Variants in POP1 observed in about 807,000 individuals in gnomAD.
The protein encoded by POP1 is POP1 ribonuclease P/MRP subunit, also known as ribonucleases P/MRP protein subunit POP1.
POP1 carries 75 observed loss-of-function variants against 102.2 expected under a neutral mutation model. The observed-to-expected ratio is 0.73, with a 90% CI of 0.61 to 0.89. POP1 has a LOEUF of 0.89. Among genes scored for constraint, POP1 ranks in the 40% least tolerant of loss-of-function variants. The pLI is 0.00. For missense variants in POP1, 1,116 were observed against 1,267.4 expected (o/e 0.88, Z 1.81); for synonymous variants, 436 against 464.1 (o/e 0.94, Z 0.78).
intron 11 of POP1, among the ~76,000 whole-genome samples, chr8:98,141,089 G>A (rs373302272): frequency 3.3e-5 from 5 of 151,942 alleles, no homozygotes; most frequent in African/African-American, 9.7e-5. Flanking sequence ...AGTAAAACAC[G>A]TAGCCTGATA....
At position 98,156,140 on chromosome 8, in the gene POP1, G is replaced by A; in HGVS notation, c.2148G>A (p.Glu716=). The change falls in exon 15 of 16, where the codon GAG becomes GAA. Residue 716 remains glutamate, a synonymous_variant. Coordinates refer to ENST00000401707, the MANE Select transcript of POP1 (RefSeq NM_001145860.2). ...GGGAGCAGTTAACTCAAGACTGGGA[G>A]TCAAGAGTCCAGGCTTACGAAGAAC... ...CPWEQLTQDW[E]SRVQAYEEPS... 3.1e-6 allele frequency: 5 copies of A among 1,614,116 alleles called. No homozygotes were observed. Among genetic ancestry groups the A allele is most frequent in the Non-Finnish European group, 4.2e-6 (5 of 1,180,034 alleles).
chr8:98,147,548 A>G (rs1309860768), intron 12 of POP1, among the ~76,000 whole-genome samples: 5 of 152,180 alleles, frequency 3.3e-5, no homozygotes, highest in Non-Finnish European at 5.9e-5. Flanking sequence ...TGGCTGTGAC[A>G]TGATGAGATT....
intron 5 of POP1, 44 bp downstream of exon 5, chr8:98,130,270 C>T: frequency 6.2e-7 from 1 of 1,612,984 alleles, no homozygotes; most frequent in African/African-American, 1.3e-5. Flanking sequence ...TTGTTTGATC[C>T]TTTTCCATAG....
intron 1 of POP1, among the ~76,000 whole-genome samples, chr8:98,122,378 G>C (rs1563769330): frequency 2.0e-5 from 3 of 152,172 alleles, no homozygotes; most frequent in Admixed American, 1.3e-4. Context: ...GTAAAGACTG[G>C]TATTAAAATA....
At position 98,157,728 on chromosome 8, in the gene POP1, T is replaced by C. The variant is rs12541183; in HGVS notation, c.2532T>C (p.Ala844=). The change falls in exon 16 of 16, where the codon GCT becomes GCC. Residue 844 remains alanine (A), a synonymous_variant. Coordinates refer to ENST00000401707, the MANE Select transcript of POP1 (RefSeq NM_001145860.2). ...GCCAGCAAGGATTGACCAGAGAGGC[T>C]TGCCTGTCCATCTTGGGCCACTTCC... The part of the protein sequence containing the change: ...GRGQQGLTRE[A]CLSILGHFPR... 8.2e-3 allele frequency: 13,209 copies of C among 1,614,182 alleles called. 436 individuals are homozygous for C. In the African/African-American group the frequency reaches 0.084, roughly 10 times the overall value.
At chr8:98,135,183 C>T (rs971835642) in intron 7 of POP1, among the ~76,000 whole-genome samples, 37 of 151,556 alleles carry the variant, frequency 2.4e-4, no homozygotes, top group Admixed American at 2.4e-3. Context: ...GAGGCTGAGG[C>T]GGGAGGATCA....
At chr8:98,141,093 C>T (rs562991351) in intron 11 of POP1, among the ~76,000 whole-genome samples, 1 of 151,886 alleles carries the variant, frequency 6.6e-6, no homozygotes, top group South Asian at 2.1e-4. Flanking sequence ...AAACACGTAG[C>T]CTGATACTTA....
rs747637737 is a variant in POP1, at chr8:98,128,503, G to T, written c.449G>T (p.Arg150Leu). The change falls in exon 4 of 16, where the codon CGC (arginine) becomes CTC (leucine). Residue 150 changes from arginine to leucine, a missense_variant. Transcript: ENST00000401707. Reference protein sequence around the residue: ...RRRAMSHNVKRLPRRLQEIAQ... With the variant: ...RRRAMSHNVKLLPRRLQEIAQ... ...AGAGCCATGAGCCACAACGTCAAAC[G>T]CCTTCCCAGACGGTTACAGGAGATT... The T allele has an allele frequency of 1.2e-6, 2 of 1,613,946 alleles. No homozygotes were observed. Among genetic ancestry groups the T allele is most frequent in the Middle Eastern group, 3.3e-4 (2 of 6,056 alleles).
rs182089394 is a variant in POP1 at position 98,127,892 on chromosome 8, C to A, written c.310+130C>A. The A allele has an allele frequency of 4.4e-4, 418 of 960,768 alleles. 2 individuals carry two copies. The African/African-American group carries it at 5.9e-3, about 13-fold the overall frequency. 59.5% of individuals were successfully genotyped at this position (960,768 alleles called of 1,614,324 possible). On this transcript the variant is annotated intron_variant, in intron 3 of 15. Coordinates refer to ENST00000401707, the MANE Select transcript of POP1 (RefSeq NM_001145860.2). ...CTCCTCTCCTCCTCCTACTTTAGAC[C>A]CTTCTCGCCTCTAGCCTGGACTTTG...
chr8:98,128,738 GC>G (rs1816288661), intron 4 of POP1, among the ~76,000 whole-genome samples, 198 bp downstream of exon 4: 1 of 152,114 alleles, frequency 6.6e-6, no homozygotes, highest in Admixed American at 6.6e-5. Flanking sequence ...GGGCAATATG[GC>G]CTAACCTTGT....
At position 98,153,533 on chromosome 8, in the gene POP1, C is replaced by CT. The variant is rs747984872; in HGVS notation, c.2058-2494dup. ...ACTAGATTTACAAACAGTTCTGACTCTTTTTTTTTTTTTTTTTTTTTTTGA... is the reference window on the plus strand; with the variant it reads ...ACTAGATTTACAAACAGTTCTGACTCTTTTTTTTTTTTTTTTTTTTTTTTGA... On this transcript the variant is annotated intron_variant, in intron 14 of 15. Transcript: ENST00000401707. Among the ~76,000 whole-genome samples the CT allele has an allele frequency of 8.5e-3, 725 of 85,430 alleles. 58 individuals are homozygous for CT. Among genetic ancestry groups the CT allele is most frequent in the Non-Finnish European group, 0.011 (531 of 47,240 alleles). The allele number at this position is 85,430 out of a possible 152,430, so 56.0% of individuals were successfully genotyped here. A position where few individuals can be genotyped will look rare whatever the true frequency, so the allele number is the denominator to read the frequency against.
At chr8:98,130,449 T>C (rs1387494061) in intron 5 of POP1, among the ~76,000 whole-genome samples, 3 of 152,164 alleles carry the variant, frequency 2.0e-5, no homozygotes, top group Non-Finnish European at 4.4e-5. Context: ...GATATGTGGT[T>C]GTAAGGGAAA....
chr8:98,159,177 A>G lies in POP1; in HGVS notation c.*906A>G, dbSNP rs185942526. The G allele has an allele frequency of 3.1e-4, 47 of 152,278 alleles. No individual in the cohort carries two copies. The highest frequency in any genetic ancestry group is 1.1e-3 in the African/African-American group (46 of 41,560). 9.4% of individuals were successfully genotyped at this position (152,278 alleles called of 1,614,324 possible). A position where few individuals can be genotyped will look rare whatever the true frequency, so the allele number is the denominator to read the frequency against. ...ATTGCGGATCTCTAGGAAGGAAATG[A>G]TAGTGTATAGTATTTTCTAAATACT... On this transcript the variant is annotated 3_prime_UTR_variant, in exon 16 of 16. Transcript: ENST00000401707.
chr8:98,156,044 C>A lies in POP1; in HGVS notation c.2058-6C>A, dbSNP rs1233564483. On this transcript the variant is annotated splice_polypyrimidine_tract_variant and splice_region_variant and intron_variant, in intron 14 of 15. Transcript: ENST00000401707. ...AACATTGGTTCTCCTGTATGTTTTTCTTTAGACGCCCTCCTGCAAAACGGC... is the reference window on the plus strand; with the variant it reads ...AACATTGGTTCTCCTGTATGTTTTTATTTAGACGCCCTCCTGCAAAACGGC... The A allele has an allele frequency of 6.2e-7, 1 of 1,610,132 alleles. No homozygotes were observed.
chr8:98,158,999 A>G lies in POP1; in HGVS notation c.*728A>G, dbSNP rs1311115328. ...TTTCTGCAAAGATTTTCTCAAAGCC[A>G]TAGAGGAGCATTTCTCAGAATATGT... On this transcript the variant is annotated 3_prime_UTR_variant, in exon 16 of 16. Transcript: ENST00000401707. The G allele has an allele frequency of 6.6e-6, 1 of 152,198 alleles. No individual in the cohort carries two copies. Among genetic ancestry groups the G allele is most frequent in the Non-Finnish European group, 1.5e-5 (1 of 68,048 alleles). 9.4% of individuals were successfully genotyped at this position (152,198 alleles called of 1,614,324 possible).
At chr8:98,152,136 A>G (rs1241133424) in intron 14 of POP1, among the ~76,000 whole-genome samples, 1 of 152,188 alleles carries the variant, frequency 6.6e-6, no homozygotes, top group African/African-American at 2.4e-5. Flanking sequence ...CAGCAATCAC[A>G]TGTTATACAT....
intron 7 of POP1, 71 bp from the exon 8 acceptor site, chr8:98,136,411 A>C (rs1440407708): frequency 1.3e-6 from 2 of 1,489,044 alleles, no homozygotes; most frequent in African/African-American, 2.9e-5. Flanking sequence ...TAAAAAAAAA[A>C]ACCCAACTAA....
chr8:98,138,263 T>C (rs1339063539), intron 9 of POP1, among the ~76,000 whole-genome samples: 2 of 152,232 alleles, frequency 1.3e-5, no homozygotes, highest in African/African-American at 4.8e-5. Context: ...TCCAAAGTGC[T>C]CAATGTGACC....
intron 11 of POP1, among the ~76,000 whole-genome samples, chr8:98,144,327 G>A (rs1302441718): frequency 6.6e-6 from 1 of 151,906 alleles, no homozygotes; most frequent in Admixed American, 6.6e-5. Context: ...CCAGACCCGA[G>A]TGCAGTGGCG....
Sources: gnomAD v4.1 joint callset for allele counts (sites outside exome capture counted in the v4.1 genomes callset) on GRCh38, gnomAD v4.1.1 for gene constraint, MANE v1.5 for transcripts, NCBI Gene and HGNC (gene_info 2026-07-23, HGNC 2026-07-21) for gene names.